The following USH2A variants were observed in gnomAD, a reference collection of about 807,000 sequenced individuals.
The protein encoded by USH2A is usherin.
USH2A carries 443 observed loss-of-function variants against 538.9 expected under a neutral mutation model. The observed-to-expected ratio is 0.82, with a 90% CI of 0.76 to 0.89. USH2A has a LOEUF of 0.89. USH2A is among the 40% of genes least tolerant of loss of function. The probability of loss-of-function intolerance (pLI) is 0.00; values close to 1 mark genes in which losing one functional copy is unlikely to be tolerated. For synonymous variants in USH2A, 2,413 were observed against 2,273.5 expected (o/e 1.06, Z -1.75); for missense variants, 6,633 against 6,324.8 (o/e 1.05, Z -1.65).
At chr1:216,288,407 T>G (rs1460115154) in intron 11 of USH2A, among the ~76,000 whole-genome samples, 1 of 152,108 alleles carries the variant, frequency 6.6e-6, no homozygotes, top group Non-Finnish European at 1.5e-5. Context: ...TTGTCTTGGT[T>G]TATATTTGTC....
intron 47 of USH2A, among the ~76,000 whole-genome samples, chr1:215,827,197 C>A (rs1461553988): frequency 6.6e-6 from 1 of 152,068 alleles, no homozygotes. Context: ...GGTAGGGAGT[C>A]TTTTTCCTGA....
At chr1:216,162,143 C>G (rs1392153356) in intron 21 of USH2A, among the ~76,000 whole-genome samples, 1 of 151,810 alleles carries the variant, frequency 6.6e-6, no homozygotes, top group Non-Finnish European at 1.5e-5. Flanking sequence ...CATTCTTTCA[C>G]TCTTTCCTTC....
chr1:215,966,934 C>T (rs1425512590), intron 36 of USH2A, among the ~76,000 whole-genome samples: 1 of 152,028 alleles, frequency 6.6e-6, no homozygotes, highest in African/African-American at 2.4e-5. Context: ...TTTGGATAAA[C>T]ACTTCAGTTT....
rs75510616 is a variant in USH2A at position 216,229,894 on chromosome 1, C to T, written c.2993+2059G>A. On this transcript the variant is annotated intron_variant, in intron 14 of 71. Transcript: ENST00000307340. ...CAGAATGGGGTAAAAGGCTCAGCCACGAATTTAAGAACATTGTAGGGTAGA... is the reference window on the plus strand; with the variant it reads ...CAGAATGGGGTAAAAGGCTCAGCCATGAATTTAAGAACATTGTAGGGTAGA... Among the ~76,000 whole-genome samples the T allele has an allele frequency of 9.6e-3, 1,458 of 151,914 alleles. 8 individuals are homozygous for T. The highest frequency in any genetic ancestry group is 0.015 in the Non-Finnish European group (1,019 of 67,966).
chr1:216,026,257 G>T (rs10864225), intron 32 of USH2A, among the ~76,000 whole-genome samples: 27,181 of 151,814 alleles, frequency 0.18, 3,591 homozygotes, highest in East Asian at 0.62. Flanking sequence ...CCAACCTTGT[G>T]GTTGTAATTA....
At chr1:216,174,391 T>C (rs2034331995) in intron 21 of USH2A, 1 of 984,922 alleles carries the variant, frequency 1.0e-6, no homozygotes, top group Non-Finnish European at 1.2e-6. Flanking sequence ...GAAATCATGC[T>C]ATTAGAAGCT....
intron 16 of USH2A, among the ~76,000 whole-genome samples, chr1:216,206,160 A>G (rs1348633863): frequency 6.6e-6 from 1 of 152,168 alleles, no homozygotes; most frequent in Non-Finnish European, 1.5e-5. Context: ...TTATAATAGA[A>G]ATATTTGATA....
At chr1:216,100,800 C>T (rs373580192) in intron 21 of USH2A, among the ~76,000 whole-genome samples, 31 of 152,250 alleles carry the variant, frequency 2.0e-4, no homozygotes, top group African/African-American at 7.0e-4. Flanking sequence ...ACAAGATATA[C>T]GTGGGAATCT....
chr1:215,847,194 C>A (rs12132798), intron 44 of USH2A, among the ~76,000 whole-genome samples: 2 of 152,116 alleles, frequency 1.3e-5, no homozygotes, highest in Non-Finnish European at 2.9e-5. Flanking sequence ...AACAAGAGAA[C>A]ATGAAAACAG....
chr1:215,706,548 C>G (rs1659189700), intron 61 of USH2A, among the ~76,000 whole-genome samples: 1 of 152,070 alleles, frequency 6.6e-6, no homozygotes, highest in Non-Finnish European at 1.5e-5. Flanking sequence ...TTCCACAATT[C>G]ACTTGTACCA....
chr1:216,189,223 A>G (rs2034667908), intron 20 of USH2A, among the ~76,000 whole-genome samples: 1 of 151,968 alleles, frequency 6.6e-6, no homozygotes, highest in Non-Finnish European at 1.5e-5. Flanking sequence ...AAAAAAATAA[A>G]TTACTTGGAT....
chr1:215,840,071 G>T lies in USH2A; in HGVS notation c.9259-1968C>A, dbSNP rs997824781. 2.8e-5 allele frequency among the ~76,000 whole-genome samples: 4 copies of T among 142,870 alleles called. No homozygotes were observed. In the East Asian group the frequency reaches 8.7e-4, roughly 31 times the overall value. The allele number at this position is 142,870 out of a possible 152,430, so 93.7% of individuals were successfully genotyped here. ...CTAGGTACTTGGGAGGCTGAGGCAC[G>T]AGAATCTCTTGATTCCAGGAGGCAG... On this transcript the variant is annotated intron_variant, in intron 46 of 71. Transcript: ENST00000307340.
At chr1:216,200,649 T>A (rs992801649) in intron 16 of USH2A, among the ~76,000 whole-genome samples, 76 of 152,236 alleles carry the variant, frequency 5.0e-4, no homozygotes, top group African/African-American at 1.8e-3. Flanking sequence ...ATGAGGAATT[T>A]ACACAACAGA....
At chr1:215,767,284 A>C (rs915224033) in intron 55 of USH2A, among the ~76,000 whole-genome samples, 14 of 152,138 alleles carry the variant, frequency 9.2e-5, no homozygotes, top group African/African-American at 3.1e-4. Flanking sequence ...CAGTTATCAA[A>C]TCCCCCCTGA....
chr1:216,374,582 C>G (rs2038782905), intron 3 of USH2A, among the ~76,000 whole-genome samples: 1 of 152,094 alleles, frequency 6.6e-6, no homozygotes, highest in South Asian at 2.1e-4. Context: ...ATTTTGCGAG[C>G]AGATACTTCA....
intron 4 of USH2A, among the ~76,000 whole-genome samples, chr1:216,347,602 G>A (rs1235202108): frequency 6.6e-6 from 1 of 152,028 alleles, no homozygotes; most frequent in Non-Finnish European, 1.5e-5. Flanking sequence ...ATATGTTATT[G>A]GTTTGTGTTC....
chr1:216,274,343 T>C (rs184753055), intron 11 of USH2A, among the ~76,000 whole-genome samples: 146 of 152,236 alleles, frequency 9.6e-4, no homozygotes, highest in African/African-American at 3.4e-3. Flanking sequence ...TTATGAAATA[T>C]CTAATCATTT....
intron 63 of USH2A, among the ~76,000 whole-genome samples, chr1:215,671,880 T>C (rs1657828348): frequency 6.6e-6 from 1 of 152,090 alleles, no homozygotes; most frequent in Admixed American, 6.6e-5. Context: ...TGAAGGAACA[T>C]CATGGAATTA....
At chr1:216,008,198 A>G (rs1414784847) in intron 32 of USH2A, among the ~76,000 whole-genome samples, 1 of 152,092 alleles carries the variant, frequency 6.6e-6, no homozygotes, top group Non-Finnish European at 1.5e-5. Context: ...CTGCACGTAC[A>G]CATCCAGATG....
Sources: gnomAD v4.1 joint callset for allele counts (sites outside exome capture counted in the v4.1 genomes callset) on GRCh38, gnomAD v4.1.1 for gene constraint, MANE v1.5 for transcripts, NCBI Gene and HGNC (gene_info 2026-07-23, HGNC 2026-07-21) for gene names.